The following COL21A1 variants were observed in gnomAD, a reference collection of about 807,000 sequenced individuals.
COL21A1 encodes collagen alpha-1(XXI) chain.
Under a neutral mutation model 137.9 loss-of-function variants are expected in COL21A1, and 149 were observed. The observed-to-expected ratio is 1.08, with a 90% CI of 0.95 to 1.24. COL21A1 has a LOEUF of 1.24. COL21A1 is among the 50% of genes most tolerant of loss of function. The probability of loss-of-function intolerance (pLI) is 0.00; values close to 1 mark genes in which losing one functional copy is unlikely to be tolerated. For missense variants in COL21A1, 1,167 were observed against 1,158.4 expected, an observed-to-expected ratio of 1.01 and a Z score of -0.11; for synonymous variants, 456 against 391.5, an observed-to-expected ratio of 1.16 and a Z score of -1.95.
chr6:56,350,178 C>T (rs973664148), intron 1 of COL21A1, among the ~76,000 whole-genome samples: 2 of 152,180 alleles, frequency 1.3e-5, no homozygotes, highest in African/African-American at 4.8e-5. Flanking sequence ...ATTCAATATA[C>T]ACTTGCAGTC....
At chr6:56,148,338 C>G (rs4398741) in intron 10 of COL21A1, among the ~76,000 whole-genome samples, 221 of 133,258 alleles carry the variant, frequency 1.7e-3, no homozygotes, top group African/African-American at 4.8e-3. Flanking sequence ...AGACAAGAGA[C>G]AGAGAGAGAG....
intron 4 of COL21A1, 44 bp from the exon 5 acceptor site, chr6:56,170,909 T>C (rs1776988668): frequency 6.3e-7 from 1 of 1,597,072 alleles, no homozygotes; most frequent in Non-Finnish European, 8.5e-7. Flanking sequence ...ATTCTTGACA[T>C]GTCCACAGAC....
At chr6:56,343,310 T>A (rs193298388) in intron 1 of COL21A1, among the ~76,000 whole-genome samples, 1 of 152,328 alleles carries the variant, frequency 6.6e-6, no homozygotes, top group African/African-American at 2.4e-5. Context: ...AGTAGCAGTT[T>A]ACCTGAGCAA....
intron 1 of COL21A1, among the ~76,000 whole-genome samples, chr6:56,271,013 A>G (rs1268247120): frequency 2.0e-5 from 3 of 152,220 alleles, no homozygotes; most frequent in Non-Finnish European, 4.4e-5. Flanking sequence ...GGGCACTGCT[A>G]TAAAGATAAC....
rs545401993 is a variant in COL21A1, at chr6:56,319,817, C to T, written c.-39+74154G>A. Reference sequence around the variant, plus strand: ...ATACCTGACAGGCTGTGTTAGGTCACGTCTGGCAGGATCCTTAACACCTCT... The same window carrying T: ...ATACCTGACAGGCTGTGTTAGGTCATGTCTGGCAGGATCCTTAACACCTCT... On this transcript the variant is annotated intron_variant, in intron 1 of 28. Transcript: ENST00000370819. Among the ~76,000 whole-genome samples the T allele has an allele frequency of 9.9e-5, 15 of 152,250 alleles. No homozygotes were observed. In the South Asian group the frequency reaches 2.1e-3, roughly 21 times the overall value.
chr6:56,242,229 T>C (rs1198705670), intron 1 of COL21A1, among the ~76,000 whole-genome samples: 1 of 152,122 alleles, frequency 6.6e-6, no homozygotes, highest in African/African-American at 2.4e-5. Flanking sequence ...TTTTAATAAG[T>C]TGTTTCCATT....
In COL21A1 at chr6:56,148,285, T is replaced by G. The variant is rs781313601; in HGVS notation, c.1435-6302A>C. ...AGCAATAAACTGCCCAAGGGTAGGA[T>G]AGTTCATTTGTAGTAAATGGTTCAT... On this transcript the variant is annotated intron_variant, in intron 10 of 29. Coordinates refer to ENST00000244728, the MANE Select transcript of COL21A1 (RefSeq NM_030820.4). Among the ~76,000 whole-genome samples the G allele has an allele frequency of 2.0e-5, 3 of 150,454 alleles. No individual in the cohort carries two copies. The East Asian group carries it at 5.9e-4, about 30-fold the overall frequency.
intron 1 of COL21A1, among the ~76,000 whole-genome samples, chr6:56,305,261 G>C (rs1380837341): frequency 6.6e-6 from 1 of 152,108 alleles, no homozygotes; most frequent in African/African-American, 2.4e-5. Context: ...GCTTGGTGTA[G>C]AGCTGAGTTC....
At chr6:56,109,072 C>T (rs9475562) in intron 16 of COL21A1, among the ~76,000 whole-genome samples, 2 of 150,580 alleles carry the variant, frequency 1.3e-5, no homozygotes, top group South Asian at 2.1e-4. Context: ...ACAACTCAAA[C>T]AAAGATGAGA....
At chr6:56,393,683 C>G (rs1426553528) in intron 1 of COL21A1, among the ~76,000 whole-genome samples, 1 of 152,178 alleles carries the variant, frequency 6.6e-6, no homozygotes, top group Admixed American at 6.5e-5. Flanking sequence ...CTGAAAGAAA[C>G]CACAGGCCCT....
intron 1 of COL21A1, among the ~76,000 whole-genome samples, chr6:56,361,259 C>G (rs997559972): frequency 2.9e-4 from 44 of 152,168 alleles, no homozygotes; most frequent in African/African-American, 1.1e-3. Context: ...ACTACATCCT[C>G]AAAAGCAGAG....
chr6:56,279,916 C>A (rs535905493), intron 1 of COL21A1, among the ~76,000 whole-genome samples: 1 of 152,250 alleles, frequency 6.6e-6, no homozygotes, highest in East Asian at 1.9e-4. Flanking sequence ...GGAAGTTAAG[C>A]CTGATAAATC....
intron 1 of COL21A1, among the ~76,000 whole-genome samples, chr6:56,305,831 G>A (rs1412755642): frequency 1.3e-5 from 2 of 151,388 alleles, no homozygotes; most frequent in African/African-American, 4.8e-5. Context: ...TCCTAGCCTC[G>A]ATGGTCTTTA....
At chr6:56,158,252 T>C (rs1205194539) in intron 9 of COL21A1, among the ~76,000 whole-genome samples, 255 of 109,936 alleles carry the variant, frequency 2.3e-3, no homozygotes, top group Non-Finnish European at 3.7e-3. Context: ...GTGGGTTTTT[T>C]CTTTTTTTTT....
chr6:56,186,189 G>T (rs1778283612), intron 1 of COL21A1, among the ~76,000 whole-genome samples: 1 of 152,110 alleles, frequency 6.6e-6, no homozygotes, highest in Non-Finnish European at 1.5e-5. Context: ...TGCAAGATTG[G>T]TTTAACACTC....
At chr6:56,063,542 A>G (rs940900819) in intron 24 of COL21A1, among the ~76,000 whole-genome samples, 12 of 152,070 alleles carry the variant, frequency 7.9e-5, no homozygotes, top group African/African-American at 2.7e-4. Context: ...TATTGAACAT[A>G]ATTGTACTCA....
At chr6:56,101,415 G>T in intron 17 of COL21A1, 57 bp downstream of exon 17, 1 of 1,310,912 alleles carries the variant, frequency 7.6e-7, no homozygotes, top group Non-Finnish European at 1.1e-6. Context: ...AACCAAAAAG[G>T]ATTTCGTAAC....
intron 1 of COL21A1, among the ~76,000 whole-genome samples, chr6:56,264,093 T>C (rs1281658802): frequency 1.3e-5 from 2 of 152,220 alleles, no homozygotes; most frequent in African/African-American, 2.4e-5. Flanking sequence ...ACATAAGACA[T>C]ATTTATCGTA....
At chr6:56,361,885 G>A (rs2152348610) in intron 1 of COL21A1, among the ~76,000 whole-genome samples, 1 of 152,294 alleles carries the variant, frequency 6.6e-6, no homozygotes, top group African/African-American at 2.4e-5. Flanking sequence ...ACAGCTCAAA[G>A]TGTCCATGGT....
Sources: allele counts gnomAD v4.1 joint callset (sites outside exome capture counted in the v4.1 genomes callset), GRCh38; gene constraint gnomAD v4.1.1; transcripts MANE v1.5; gene names NCBI Gene and HGNC (gene_info 2026-07-23, HGNC 2026-07-21).